ZNF799: variants seen among roughly 807,000 people sequenced by gnomAD.
The protein encoded by ZNF799 is zinc finger protein 799.
Under a neutral mutation model 41.0 loss-of-function variants are expected in ZNF799, and 28 were observed. The observed-to-expected ratio is 0.68, with a 90% CI of 0.51 to 0.94. The LOEUF (loss-of-function observed/expected upper bound fraction) is 0.94. ZNF799 is among the 40% of genes least tolerant of loss of function. The probability of loss-of-function intolerance (pLI) is 0.00; values close to 1 mark genes in which losing one functional copy is unlikely to be tolerated. For synonymous variants in ZNF799, 213 were observed against 252.9 expected (o/e 0.84, Z 1.50); for missense variants, 716 against 764.3 (o/e 0.94, Z 0.74).
upstream of ZNF799, among the ~76,000 whole-genome samples, chr19:12,401,435 T>C (rs767669778): frequency 9.2e-5 from 14 of 152,030 alleles, no homozygotes; most frequent in Non-Finnish European, 1.8e-4. Flanking sequence ...TGCTCTTTGA[T>C]CTGAATCCTC....
rs1473177757 is a variant in ZNF799, at chr19:12,390,151, C to T, written c.*315G>A. Reference sequence around the variant, plus strand: ...GTCCCTAAACAATACAATAGAACAACTATTTGCATAGCTTTTACAATGCAT... The same window carrying T: ...GTCCCTAAACAATACAATAGAACAATTATTTGCATAGCTTTTACAATGCAT... On this transcript the variant is annotated 3_prime_UTR_variant, in exon 4 of 4. Coordinates refer to ENST00000430385, the MANE Select transcript of ZNF799 (RefSeq NM_001080821.3). 4 of 481,890 alleles carry T rather than the reference C, an allele frequency of 8.3e-6. No homozygotes were observed. The highest frequency in any genetic ancestry group is 1.5e-5 in the Non-Finnish European group (4 of 272,364). 29.9% of individuals were successfully genotyped at this position (481,890 alleles called of 1,614,324 possible). A position where few individuals can be genotyped will look rare whatever the true frequency, so the allele number is the denominator to read the frequency against.
intron 1 of ZNF799, among the ~76,000 whole-genome samples, chr19:12,397,245 A>C (rs1169192525): frequency 6.6e-6 from 1 of 152,066 alleles, no homozygotes; most frequent in East Asian, 1.9e-4. Flanking sequence ...AATGCTAGGG[A>C]AATCAATAAT....
the ZNF799 span, among the ~76,000 whole-genome samples, chr19:12,409,469 C>A: frequency 2.0e-5 from 3 of 152,118 alleles, no homozygotes; most frequent in African/African-American, 7.2e-5. Context: ...AACAATTCCC[C>A]TCTATCAATA....
chr19:12,410,427 C>A, the ZNF799 span, among the ~76,000 whole-genome samples: 1 of 151,592 alleles, frequency 6.6e-6, no homozygotes, highest in Admixed American at 6.6e-5. Flanking sequence ...AACCATAATG[C>A]CCAGCCTTAG....
chr19:12,395,661 G>A lies in ZNF799; in HGVS notation c.4-2238C>T, dbSNP rs562815771. On this transcript the variant is annotated intron_variant, in intron 1 of 3. Transcript: ENST00000430385. ...GTACTCAAAAGCACCCAGGTATCCT[G>A]GGGAATTGAGAAAGCCCCATGCATG... is the stretch of plus-strand genomic sequence containing the variant. Among the ~76,000 whole-genome samples the A allele has an allele frequency of 3.1e-4, 47 of 152,198 alleles. No individual in the cohort carries two copies. The East Asian group carries it at 3.9e-3, about 12-fold the overall frequency.
upstream of ZNF799, among the ~76,000 whole-genome samples, chr19:12,405,929 C>T (rs1280580084): frequency 6.6e-6 from 1 of 152,086 alleles, no homozygotes; most frequent in Non-Finnish European, 1.5e-5. Context: ...AATCCCAGCA[C>T]TTTGGGAGGC....
the ZNF799 span, among the ~76,000 whole-genome samples, chr19:12,413,047 C>CA: frequency 0.035 from 2,204 of 62,588 alleles, 63 homozygotes; most frequent in East Asian, 0.079. Context: ...ACTCCGTCTC[C>CA]AAAAAAAAAA....
chr19:12,407,364 A>G, the ZNF799 span, among the ~76,000 whole-genome samples: 2 of 151,926 alleles, frequency 1.3e-5, no homozygotes, highest in Non-Finnish European at 2.9e-5. Flanking sequence ...TTGGAAGGCT[A>G]AGACAGGAGG....
In ZNF799 at chr19:12,390,194, C is replaced by G. The variant is rs1328313707; in HGVS notation, c.*272G>C. ...CAATGCATGAGGTATTTTAAGTAAT[C>G]TAGACATAATTGAGAGTATACAAGA... On this transcript the variant is annotated 3_prime_UTR_variant, in exon 4 of 4. Transcript: ENST00000430385. 1.7e-5 allele frequency: 10 copies of G among 603,714 alleles called. No individual in the cohort carries two copies. The highest frequency in any genetic ancestry group is 3.7e-5 in the African/African-American group (2 of 53,908). 37.4% of individuals were successfully genotyped at this position (603,714 alleles called of 1,614,324 possible).
Position 12,391,638 on chromosome 19 carries a change from C to G in ZNF799, c.760G>C (p.Glu254Gln), listed in dbSNP as rs752438094. 11 of 1,611,564 alleles carry G rather than the reference C, an allele frequency of 6.8e-6. No individual in the cohort carries two copies. The highest frequency in any genetic ancestry group is 9.3e-6 in the Non-Finnish European group (11 of 1,178,068). ...AAGGCTTTAGAACACTGTTTACATT[C>G]ATACAGTTTCTCCCCAGTATGTGTT... ...ERTHTGEKLY[E>Q]CKQCSKAFPD... Residue 254 changes from glutamate to glutamine, a missense_variant, in exon 4 of 4, where the codon GAA (glutamate) becomes CAA (glutamine). Transcript: ENST00000430385.
upstream of ZNF799, among the ~76,000 whole-genome samples, chr19:12,401,710 G>C (rs1345334128): frequency 1.6e-4 from 24 of 151,424 alleles, no homozygotes; most frequent in African/African-American, 4.9e-5. Flanking sequence ...GAGTAGCTGG[G>C]ATTACAGGTG....
the ZNF799 span, among the ~76,000 whole-genome samples, chr19:12,408,563 T>C: frequency 6.6e-6 from 1 of 152,224 alleles, no homozygotes; most frequent in South Asian, 2.1e-4. Flanking sequence ...TATAAAGAAA[T>C]ATATGCCATT....
intron 1 of ZNF799, among the ~76,000 whole-genome samples, chr19:12,399,267 G>C (rs545950388): frequency 3.9e-4 from 59 of 152,312 alleles, no homozygotes; most frequent in African/African-American, 1.2e-3. Flanking sequence ...ACACTGCCTT[G>C]TGTGCTTTTC....
At position 12,391,185 on chromosome 19, in the gene ZNF799, G is replaced by T. The variant is rs183068429; in HGVS notation, c.1213C>A (p.Pro405Thr). ...CKICGKAFVY[P>T]SVFQRHEKTH... ...TTTTCATGCCTTTGAAATACACTGG[G>T]ATAAACAAAGGCTTTCCCACATATC... Residue 405 changes from proline to threonine, a missense_variant, in exon 4 of 4, where the codon CCC becomes ACC. Coordinates refer to ENST00000430385, the MANE Select transcript of ZNF799 (RefSeq NM_001080821.3). 3.0e-5 allele frequency: 49 copies of T among 1,614,132 alleles called. No individual in the cohort carries two copies. The East Asian group carries it at 1.1e-3, about 36-fold the overall frequency.
At chr19:12,401,569 C>CGA (rs142456121), upstream of ZNF799, among the ~76,000 whole-genome samples, 1,376 of 78,404 alleles carry the variant, frequency 0.018, 12 homozygotes, top group African/African-American at 0.05. Context: ...TTTTTTTTTC[C>CGA]GAGAGAGAGA....
chr19:12,410,072 C>T, the ZNF799 span, among the ~76,000 whole-genome samples: 1 of 151,806 alleles, frequency 6.6e-6, no homozygotes, highest in Non-Finnish European at 1.5e-5. Flanking sequence ...TGCTTAAACC[C>T]GGGAGGTGGA....
chr19:12,407,564 A>G, the ZNF799 span, among the ~76,000 whole-genome samples: 3 of 152,194 alleles, frequency 2.0e-5, no homozygotes, highest in Non-Finnish European at 4.4e-5. Context: ...ATACATATGC[A>G]AACTACATAA....
At chr19:12,398,319 CCT>C (rs1327370790) in intron 1 of ZNF799, 2 of 152,032 alleles carry the variant, frequency 1.3e-5, no homozygotes, top group East Asian at 1.9e-4. Context: ...TGGCCTCAGG[CCT>C]CTCTGCCATA....
intron 1 of ZNF799, among the ~76,000 whole-genome samples, chr19:12,398,676 A>C (rs543085944): frequency 1.6e-4 from 25 of 152,334 alleles, no homozygotes; most frequent in East Asian, 7.7e-4. Flanking sequence ...CCATTGTCCC[A>C]AAATCTCCAC....
Sources: allele counts gnomAD v4.1 joint callset (sites outside exome capture counted in the v4.1 genomes callset), GRCh38; gene constraint gnomAD v4.1.1; transcripts MANE v1.5; gene names NCBI Gene and HGNC (gene_info 2026-07-23, HGNC 2026-07-21).